The following NAV2 variants were observed in gnomAD, a reference collection of about 807,000 sequenced individuals.
The protein encoded by NAV2 is helicase, APC down-regulated 1.
NAV2 carries 54 observed loss-of-function variants against 223.2 expected under a neutral mutation model. That is an observed-to-expected ratio of 0.24 (90% confidence interval 0.19 to 0.30). The LOEUF is 0.30. Among genes scored for constraint, NAV2 ranks in the 10% least tolerant of loss-of-function variants. NAV2 has a pLI of 1.00. For missense variants in NAV2, 2,806 were observed against 3,147.5 expected, an observed-to-expected ratio of 0.89 and a Z score of 2.60; for synonymous variants, 1,279 against 1,239.3, an observed-to-expected ratio of 1.03 and a Z score of -0.67.
rs572536087 is a variant in NAV2 at position 19,643,788 on chromosome 11, A to G, written c.76-188696A>G. 4.6e-5 allele frequency among the ~76,000 whole-genome samples: 7 copies of G among 152,306 alleles called. No individual in the cohort carries two copies. The South Asian group carries it at 1.2e-3, about 27-fold the overall frequency. ...TAGTTTACAGTCCCACCAACAGTGT[A>G]AAAGTGTTCCTATTTCTCCACATCC... On this transcript the variant is annotated intron_variant, in intron 1 of 37. Coordinates refer to the NAV2 transcript ENST00000360655.
intron 1 of NAV2, among the ~76,000 whole-genome samples, chr11:19,471,972 C>G (rs905865072): frequency 2.0e-5 from 3 of 152,218 alleles, no homozygotes; most frequent in Non-Finnish European, 4.4e-5. Context: ...AAATAAGAAA[C>G]AGATCAAGGG....
intron 1 of NAV2, among the ~76,000 whole-genome samples, chr11:19,768,416 G>C (rs747389205): frequency 1.3e-5 from 2 of 152,108 alleles, no homozygotes; most frequent in East Asian, 3.9e-4. Context: ...AAAAGTAGCC[G>C]ATAAGGGCTT....
At chr11:20,066,764 G>A (rs2059068133) in intron 20 of NAV2, among the ~76,000 whole-genome samples, 1 of 152,174 alleles carries the variant, frequency 6.6e-6, no homozygotes, top group Non-Finnish European at 1.5e-5. Context: ...CTTATGCCTA[G>A]TAAAATTGGA....
chr11:19,428,977 G>A (rs1850941826), intron 1 of NAV2, among the ~76,000 whole-genome samples: 1 of 152,204 alleles, frequency 6.6e-6, no homozygotes, highest in South Asian at 2.1e-4. Context: ...CACAGCCAAG[G>A]AATTCAAAAC....
At chr11:19,546,740 G>A (rs754139741) in intron 1 of NAV2, among the ~76,000 whole-genome samples, 30 of 152,132 alleles carry the variant, frequency 2.0e-4, no homozygotes, top group African/African-American at 3.4e-4. Flanking sequence ...AAATGTAACC[G>A]TTTTAGTGTT....
At chr11:19,406,311 C>T (rs1263666475) in intron 1 of NAV2, among the ~76,000 whole-genome samples, 1 of 152,154 alleles carries the variant, frequency 6.6e-6, no homozygotes. Context: ...CCCACAGTTT[C>T]CTCATCTGCT....
At chr11:19,380,418 T>C (rs1213143741) in intron 1 of NAV2, 2 of 152,254 alleles carry the variant, frequency 1.3e-5, no homozygotes, top group African/African-American at 2.4e-5. Flanking sequence ...TCTCTGGAAT[T>C]TCCATGTCCT....
intron 6 of NAV2, among the ~76,000 whole-genome samples, chr11:19,892,864 G>C (rs1436117302): frequency 6.6e-6 from 1 of 152,144 alleles, no homozygotes; most frequent in Non-Finnish European, 1.5e-5. Flanking sequence ...AAGCAATATA[G>C]CATTTGGAAT....
chr11:19,780,610 G>T (rs1458540058), intron 1 of NAV2, among the ~76,000 whole-genome samples: 2 of 152,234 alleles, frequency 1.3e-5, no homozygotes, highest in Admixed American at 1.3e-4. Context: ...TGGGCCAGTT[G>T]CTTTACCTCT....
Position 20,121,465 on chromosome 11 carries a change from T to C in NAV2, c.*3207T>C, listed in dbSNP as rs1406266187. ...CTCTCTCTCTTCCTACCTATTTAAT[T>C]TTCATTTGTCATGAGGTTTTTGGAT... On this transcript the variant is annotated 3_prime_UTR_variant, in exon 38 of 38. Coordinates refer to ENST00000349880, the MANE Select transcript of NAV2 (RefSeq NM_145117.5). 1 of 152,594 alleles carries C rather than the reference T, an allele frequency of 6.6e-6. No individual in the cohort carries two copies. The highest frequency in any genetic ancestry group is 2.4e-5 in the African/African-American group (1 of 41,436). 9.5% of individuals were successfully genotyped at this position (152,594 alleles called of 1,614,324 possible). A position where few individuals can be genotyped will look rare whatever the true frequency, so the allele number is the denominator to read the frequency against.
In NAV2 at chr11:19,879,425, C is replaced by T. The variant is rs150469686; in HGVS notation, c.512-444C>T. Among the ~76,000 whole-genome samples the T allele has an allele frequency of 1.7e-4, 26 of 152,120 alleles. No homozygotes were observed. The East Asian group carries it at 3.3e-3, about 19-fold the overall frequency. On this transcript the variant is annotated intron_variant, in intron 4 of 37. Transcript: ENST00000349880. ...AGTAGGACGACTGGGGAAAGCAGAG[C>T]GCAGATCATGGAGTGGGACAGCAGC...
At chr11:19,596,026 T>C (rs2046198864) in intron 1 of NAV2, among the ~76,000 whole-genome samples, 1 of 152,240 alleles carries the variant, frequency 6.6e-6, no homozygotes, top group Non-Finnish European at 1.5e-5. Context: ...TCTGTTTTTT[T>C]TATTAATCAC....
intron 1 of NAV2, chr11:19,714,460 C>A: frequency 2.2e-6 from 1 of 456,754 alleles, no homozygotes; most frequent in South Asian, 1.5e-5. Context: ...GGCAGTGAAC[C>A]TGCTCTTCCC....
intron 6 of NAV2, among the ~76,000 whole-genome samples, chr11:19,902,172 G>A (rs2042498063): frequency 6.6e-6 from 1 of 152,180 alleles, no homozygotes; most frequent in African/African-American, 2.4e-5. Flanking sequence ...CCTAGCTTTT[G>A]TCCTTAACCT....
chr11:19,935,582 C>A lies in NAV2; in HGVS notation c.2033+1305C>A, dbSNP rs187332175. Among the ~76,000 whole-genome samples the A allele has an allele frequency of 2.8e-3, 423 of 152,244 alleles. 9 individuals are homozygous for A. Among genetic ancestry groups the A allele is most frequent in the Admixed American group, 0.026 (400 of 15,290 alleles). ...CTAGTGGTCTCTGTTACAGTTCCTGCCAATAGCTGGTGGAGGGACTGGCTT... is the reference window on the plus strand; with the variant it reads ...CTAGTGGTCTCTGTTACAGTTCCTGACAATAGCTGGTGGAGGGACTGGCTT... On this transcript the variant is annotated intron_variant, in intron 7 of 37. Transcript: ENST00000349880.
In NAV2 at chr11:19,700,435, C is replaced by T. The variant is rs969080213; in HGVS notation, c.76-132049C>T. On this transcript the variant is annotated intron_variant, in intron 1 of 37. Transcript: ENST00000360655. ...TAAATCCAGGAGGTGGGCCTTATTA[C>T]CAGCAGAGGTAAGAAACTGAGGCTC... Among the ~76,000 whole-genome samples, 5 of 152,142 alleles carry T rather than the reference C, an allele frequency of 3.3e-5. No homozygotes were observed. The South Asian group carries it at 6.2e-4, about 19-fold the overall frequency.
chr11:19,922,463 G>T (rs2044361466), intron 6 of NAV2, among the ~76,000 whole-genome samples: 1 of 152,160 alleles, frequency 6.6e-6, no homozygotes, highest in African/African-American at 2.4e-5. Flanking sequence ...CTCAGTGTGT[G>T]TTGTAAGATT....
Position 20,078,070 on chromosome 11 carries a change from T to C in NAV2, c.5145T>C (p.Asn1715=), listed in dbSNP as rs1387428637. The stretch of plus-strand genomic sequence containing the variant: ...ACGCAGCTGCCCAGGCTGCCATTAA[T>C]GGAGTAATTAACACACCTGAGCTCA... ...KQNAAAQAAI[N]GVINTPELNC... The change falls in exon 24 of 38, where the codon AAT becomes AAC. Residue 1715 remains asparagine, a synonymous_variant. Transcript: ENST00000349880. 1.2e-6 allele frequency: 2 copies of C among 1,613,438 alleles called. No individual in the cohort carries two copies. The highest frequency in any genetic ancestry group is 3.3e-5 in the Admixed American group (2 of 59,852).
intron 1 of NAV2, among the ~76,000 whole-genome samples, chr11:19,674,643 A>T (rs1282325651): frequency 6.6e-6 from 1 of 152,178 alleles, no homozygotes; most frequent in African/African-American, 2.4e-5. Flanking sequence ...TGTGAGTGAG[A>T]TCACCTAGAG....
Sources: gnomAD v4.1 joint callset for allele counts (sites outside exome capture counted in the v4.1 genomes callset) on GRCh38, gnomAD v4.1.1 for gene constraint, MANE v1.5 for transcripts, NCBI Gene and HGNC (gene_info 2026-07-23, HGNC 2026-07-21) for gene names.